Variants in CDCP1 observed in about 807,000 individuals in gnomAD.
The protein encoded by CDCP1 is CUB domain-containing protein 1.
Under a neutral mutation model 60.2 loss-of-function variants are expected in CDCP1, and 29 were observed. The ratio of observed to expected loss-of-function variants is 0.48; its 90% CI spans 0.36 to 0.66. CDCP1 has a LOEUF of 0.66. CDCP1 is among the 30% of genes least tolerant of loss of function. The pLI is 0.00. For synonymous variants in CDCP1, 387 were observed against 431.1 expected (o/e 0.90, Z 1.27); for missense variants, 876 against 1,074.3 (o/e 0.82, Z 2.58).
At chr3:45,090,405 T>G (rs1017366515) in intron 7 of CDCP1, among the ~76,000 whole-genome samples, 2 of 152,232 alleles carry the variant, frequency 1.3e-5, no homozygotes, top group African/African-American at 4.8e-5. Context: ...CTCCAAGGCC[T>G]CCCACTGAGG....
At chr3:45,140,668 A>G (rs890062498) in intron 1 of CDCP1, among the ~76,000 whole-genome samples, 1 of 152,246 alleles carries the variant, frequency 6.6e-6, no homozygotes, top group African/African-American at 2.4e-5. Context: ...TTGAGGACGG[A>G]GAATTAAATG....
Position 45,146,177 on chromosome 3 carries a change from G to A in CDCP1, c.82+29C>T, listed in dbSNP as rs767302511. 5.7e-5 allele frequency: 89 copies of A among 1,562,516 alleles called. No homozygotes were observed. The South Asian group carries it at 9.9e-4, about 17-fold the overall frequency. On this transcript the variant is annotated intron_variant, in intron 1 of 8. Transcript: ENST00000296129. The stretch of plus-strand genomic sequence containing the variant: ...CTGGCTGGCTAGCTCACCACTCCAC[G>A]CCATCCGCCTCCAAAGCCCGGCACT...
chr3:45,138,341 A>G (rs1699224490), intron 1 of CDCP1, among the ~76,000 whole-genome samples: 1 of 152,212 alleles, frequency 6.6e-6, no homozygotes, highest in East Asian at 1.9e-4. Flanking sequence ...ACCAAAGCAC[A>G]ATGTGTAGGT....
chr3:45,142,171 T>A (rs1699301158), intron 1 of CDCP1, among the ~76,000 whole-genome samples: 3 of 152,070 alleles, frequency 2.0e-5, no homozygotes, highest in African/African-American at 7.2e-5. Context: ...CAGAGAACCC[T>A]AGCCACTGGT....
At chr3:45,103,035 C>G (rs1422315921) in intron 4 of CDCP1, among the ~76,000 whole-genome samples, 1 of 151,924 alleles carries the variant, frequency 6.6e-6, no homozygotes, top group Non-Finnish European at 1.5e-5. Flanking sequence ...TGTGATGAGT[C>G]TGTACAATTT....
At chr3:45,137,098 T>A (rs150437639) in intron 1 of CDCP1, among the ~76,000 whole-genome samples, 4 of 152,374 alleles carry the variant, frequency 2.6e-5, no homozygotes, top group African/African-American at 7.2e-5. Context: ...GTCGTTCTCC[T>A]ACCCTTGAAT....
rs1698177018 is a variant in CDCP1 at position 45,085,710 on chromosome 3, A to G, written c.2439T>C (p.Asn813=). Residue 813 remains asparagine (N), a synonymous_variant, in exon 9 of 9, where the codon AAT becomes AAC. Transcript: ENST00000296129. This position sits in a 1 kb window ranked among gnomAD's most constrained non-coding sequence, Gnocchi z 4.2. ...CTGTGTCCTTGCTGCTTACATCCCC[A>G]TTGTTGGGATGGGAGAAGGTGTACG... ...SEPYTFSHPN[N]GDVSSKDTDI... 2.5e-6 allele frequency: 4 copies of G among 1,613,912 alleles called. No homozygotes were observed. Among genetic ancestry groups the G allele is most frequent in the Admixed American group, 1.7e-5 (1 of 59,980 alleles).
intron 1 of CDCP1, among the ~76,000 whole-genome samples, chr3:45,140,074 T>C (rs918414487): frequency 6.6e-6 from 1 of 152,258 alleles, no homozygotes; most frequent in Non-Finnish European, 1.5e-5. Flanking sequence ...GCATATGGCA[T>C]ATGCCTGGAT....
At chr3:45,144,122 G>T (rs978084798) in intron 1 of CDCP1, among the ~76,000 whole-genome samples, 1 of 152,124 alleles carries the variant, frequency 6.6e-6, no homozygotes, top group African/African-American at 2.4e-5. Context: ...GGAAATGGGG[G>T]AGTTGGTGGG....
chr3:45,088,310 C>T (rs1386148676), intron 8 of CDCP1, among the ~76,000 whole-genome samples: 4 of 151,136 alleles, frequency 2.6e-5, no homozygotes, highest in African/African-American at 4.9e-5. Context: ...GGTGAAATCC[C>T]GTTTCTACAA....
chr3:45,093,469 T>C lies in CDCP1; in HGVS notation c.1435A>G (p.Ser479Gly), dbSNP rs1698337845. The C allele has an allele frequency of 1.9e-6, 3 of 1,613,978 alleles. No individual in the cohort carries two copies. Among genetic ancestry groups the C allele is most frequent in the Admixed American group, 1.7e-5 (1 of 60,008 alleles). ...GCACTGGCCACGAGGTAGCTGAAGC[T>C]GGTGTTGCAGGGCTTCTCGTGTGTA... is the stretch of plus-strand genomic sequence containing the variant. ...QHTHEKPCNT[S>G]FSYLVASAIP... Residue 479 changes from serine (S) to glycine (G), a missense_variant, in exon 6 of 9, where the codon AGC becomes GGC. By Grantham distance (56) the Ser-to-Gly change is moderately conservative. This residue lies in a region of CDCP1 where 726 missense variants were observed against 935.7 expected (regional missense o/e 0.78). Coordinates refer to ENST00000296129, the MANE Select transcript of CDCP1 (RefSeq NM_022842.5).
At chr3:45,112,557 G>A in intron 2 of CDCP1, 112 bp from the exon 3 acceptor site, 1 of 1,474,688 alleles carries the variant, frequency 6.8e-7, no homozygotes, top group Non-Finnish European at 9.1e-7. Context: ...CCCCCAAGGT[G>A]GCCTTTACCA....
intron 4 of CDCP1, among the ~76,000 whole-genome samples, chr3:45,100,962 G>T (rs1324423225): frequency 1.3e-5 from 2 of 152,182 alleles, no homozygotes; most frequent in African/African-American, 4.8e-5. Context: ...AAATCTGAAT[G>T]GTTAGTATAA....
Position 45,110,532 on chromosome 3 carries a change from C to G in CDCP1, c.965G>C (p.Ser322Thr). 1 of 1,614,180 alleles carries G rather than the reference C, an allele frequency of 6.2e-7. No homozygotes were observed. Among genetic ancestry groups the G allele is most frequent in the African/African-American group, 1.3e-5 (1 of 75,044 alleles). The change falls in exon 4 of 9, where the codon AGT becomes ACT. Residue 322 changes from serine to threonine, a missense_variant. Ser to Thr is a moderately conservative substitution (Grantham distance 58). Around this residue, in one of 2 missense-constraint regions of CDCP1, gnomAD observed 726 missense variants for 935.7 expected, o/e 0.78. Transcript: ENST00000296129. Reference protein sequence around the residue: ...SLQGCDQDAQSPGILRLQFQV... With the variant: ...SLQGCDQDAQTPGILRLQFQV... ...GAACTGCAGCCGGAGGATCCCTGGACTTTGGGCATCTTGGTCACAGCCTTG... is the reference window on the plus strand; with the variant it reads ...GAACTGCAGCCGGAGGATCCCTGGAGTTTGGGCATCTTGGTCACAGCCTTG...
chr3:45,110,214 C>G, intron 4 of CDCP1: 1 of 1,344,506 alleles, frequency 7.4e-7, no homozygotes, highest in South Asian at 1.8e-5. Context: ...CCTTTCAATG[C>G]CTTCGTTAAA....
intron 1 of CDCP1, among the ~76,000 whole-genome samples, chr3:45,131,573 A>G (rs1034596966): frequency 6.6e-6 from 1 of 152,242 alleles, no homozygotes; most frequent in African/African-American, 2.4e-5. Flanking sequence ...TTCATTTAGC[A>G]TAATGTAGGT....
At chr3:45,096,266 C>T (rs1698396350) in intron 4 of CDCP1, among the ~76,000 whole-genome samples, 1 of 152,104 alleles carries the variant, frequency 6.6e-6, no homozygotes, top group Non-Finnish European at 1.5e-5. Context: ...AACTAGAGAC[C>T]ACCTTATACT....
At chr3:45,088,579 G>C (rs907238690) in intron 8 of CDCP1, among the ~76,000 whole-genome samples, 3 of 152,230 alleles carry the variant, frequency 2.0e-5, no homozygotes, top group African/African-American at 7.2e-5. Context: ...CACAGGCCTG[G>C]CCTCTGTTAC....
intron 1 of CDCP1, 45 bp downstream of exon 1, chr3:45,146,161 T>G (rs936374662): frequency 2.0e-6 from 3 of 1,525,022 alleles, no homozygotes; most frequent in Non-Finnish European, 2.7e-6. Flanking sequence ...GCTGGCTGGC[T>G]AGCTCACCAC....
Sources: gnomAD v4.1 joint callset for allele counts (sites outside exome capture counted in the v4.1 genomes callset) on GRCh38, gnomAD v4.1.1 for gene constraint, gnomAD v4.1.1 regional missense constraint, Gnocchi (gnomAD v3.1) non-coding constraint, MANE v1.5 for transcripts, NCBI Gene and HGNC (gene_info 2026-07-23, HGNC 2026-07-21) for gene names.